Variants in SAMD7 observed in about 807,000 individuals in gnomAD.
SAMD7 encodes sterile alpha motif domain-containing protein 7.
In SAMD7, 34 loss-of-function variants were observed where a neutral mutation model predicts 36.7. The observed-to-expected ratio is 0.93, with a 90% CI of 0.71 to 1.23. The LOEUF (loss-of-function observed/expected upper bound fraction) is 1.23. SAMD7 is among the 50% of genes most tolerant of loss of function. The probability of loss-of-function intolerance (pLI) is 0.00; values close to 1 mark genes in which losing one functional copy is unlikely to be tolerated. For synonymous variants in SAMD7, 188 were observed against 189.7 expected (o/e 0.99, Z 0.07); for missense variants, 570 against 546.6 (o/e 1.04, Z -0.43).
Position 169,938,662 on chromosome 3 carries a change from C to G in SAMD7, c.*156C>G. 1.8e-6 allele frequency: 1 copy of G among 556,442 alleles called. No individual in the cohort carries two copies. The highest frequency in any genetic ancestry group is 2.7e-5 in the South Asian group (1 of 37,694). The allele number at this position is 556,442 out of a possible 1,614,324, so 34.5% of individuals were successfully genotyped here. On this transcript the variant is annotated 3_prime_UTR_variant, in exon 9 of 9. Transcript: ENST00000335556. ...TGGAGGAGACTTGCCCAAGGGGCTT[C>G]CCTGCCAGGGCTGAATGACCCCAGC... is the stretch of plus-strand genomic sequence containing the variant.
intron 4 of SAMD7, among the ~76,000 whole-genome samples, chr3:169,923,592 A>G (rs1030603079): frequency 1.3e-5 from 2 of 152,062 alleles, no homozygotes; most frequent in African/African-American, 4.8e-5. Flanking sequence ...AAATATGAAA[A>G]TTAGCCAGGT....
At chr3:169,925,958 CT>C (rs1033901169) in intron 5 of SAMD7, among the ~76,000 whole-genome samples, 120 of 152,274 alleles carry the variant, frequency 7.9e-4, no homozygotes, top group African/African-American at 2.8e-3. Flanking sequence ...CAACAGTGGC[CT>C]TCAGCTATAG....
chr3:169,924,007 G>T (rs1300152522), intron 4 of SAMD7, among the ~76,000 whole-genome samples: 1 of 152,166 alleles, frequency 6.6e-6, no homozygotes, highest in Non-Finnish European at 1.5e-5. Context: ...GTGCTCTCTA[G>T]ACTGGACTTC....
intron 4 of SAMD7, 82 bp from the exon 5 acceptor site, chr3:169,924,976 C>T: frequency 1.2e-6 from 1 of 801,678 alleles, no homozygotes; most frequent in East Asian, 2.9e-5. Context: ...TACTGTTTTA[C>T]ATTGTTATAG....
intron 4 of SAMD7, among the ~76,000 whole-genome samples, chr3:169,924,791 C>T (rs137875565): frequency 7.9e-5 from 12 of 152,230 alleles, no homozygotes; most frequent in African/African-American, 2.9e-4. Context: ...CATCTTTTTC[C>T]TATTAAAGTA....
intron 6 of SAMD7, among the ~76,000 whole-genome samples, chr3:169,927,899 C>T (rs1204551783): frequency 1.3e-5 from 2 of 152,132 alleles, no homozygotes; most frequent in Admixed American, 6.5e-5. Context: ...AGAAGTATTA[C>T]CTTTCAGTGT....
At chr3:169,919,638 C>A in intron 3 of SAMD7, 54 bp downstream of exon 3, 1 of 1,334,656 alleles carries the variant, frequency 7.5e-7, no homozygotes, top group Non-Finnish European at 1.1e-6. Context: ...ACAATCATTA[C>A]GTTTTGGAAT....
intron 6 of SAMD7, 113 bp downstream of exon 6, chr3:169,927,294 T>A: frequency 1.3e-6 from 1 of 782,414 alleles, no homozygotes; most frequent in Non-Finnish European, 1.8e-6. Context: ...TCTTTTTTTT[T>A]TTTTTTTTTT....
intron 7 of SAMD7, among the ~76,000 whole-genome samples, chr3:169,928,833 T>C (rs949808015): frequency 6.6e-6 from 1 of 152,116 alleles, no homozygotes; most frequent in Non-Finnish European, 1.5e-5. Context: ...TCCTAAGAAG[T>C]AGGAATTCTC....
chr3:169,925,731 A>G (rs1365186274), intron 5 of SAMD7, among the ~76,000 whole-genome samples: 1 of 152,208 alleles, frequency 6.6e-6, no homozygotes, highest in African/African-American at 2.4e-5. Context: ...GTCTTGAACA[A>G]ATAAAAAGAA....
At chr3:169,922,312 A>C (rs1713077227) in intron 4 of SAMD7, among the ~76,000 whole-genome samples, 1 of 152,194 alleles carries the variant, frequency 6.6e-6, no homozygotes, top group African/African-American at 2.4e-5. Flanking sequence ...GCATCTCTGG[A>C]ACCCACTAAC....
intron 4 of SAMD7, among the ~76,000 whole-genome samples, chr3:169,924,448 G>A (rs1304514660): frequency 2.6e-5 from 4 of 152,036 alleles, no homozygotes; most frequent in African/African-American, 9.7e-5. Flanking sequence ...TTAGCTGGGT[G>A]TGGTGGCATG....
At chr3:169,933,628 T>C (rs1713606000) in intron 7 of SAMD7, among the ~76,000 whole-genome samples, 1 of 152,142 alleles carries the variant, frequency 6.6e-6, no homozygotes, top group Admixed American at 6.5e-5. Context: ...TGTGGAAAAA[T>C]ATATGTATAC....
chr3:169,925,374 A>AG (rs1227914050), intron 5 of SAMD7, among the ~76,000 whole-genome samples: 2 of 152,118 alleles, frequency 1.3e-5, no homozygotes, highest in South Asian at 2.1e-4. Context: ...CACTTAAAAA[A>AG]AAAAAGAAAA....
Position 169,925,144 on chromosome 3 carries a change from G to A in SAMD7, c.290+8G>A. On this transcript the variant is annotated splice_region_variant and intron_variant, in intron 5 of 8. Coordinates refer to ENST00000335556, the MANE Select transcript of SAMD7 (RefSeq NM_001304366.2). ...ACGGCATCATACTGCCAGGTAATTT[G>A]GCAATGTTGTTTTATTTATTCTCTA... The A allele has an allele frequency of 6.3e-7, 1 of 1,588,726 alleles. No individual in the cohort carries two copies. The highest frequency in any genetic ancestry group is 8.6e-7 in the Non-Finnish European group (1 of 1,163,180).
rs754596757 is a variant in SAMD7, at chr3:169,932,979, T to C, written c.1042-3360T>C. ...CCCTTGCTGGATGAAAGAAGCATTC[T>C]TTCCCCCCCTCTATCAGTGTGGCAT... On this transcript the variant is annotated intron_variant, in intron 7 of 8. Coordinates refer to ENST00000335556, the MANE Select transcript of SAMD7 (RefSeq NM_001304366.2). 3.7e-4 allele frequency: 266 copies of C among 712,138 alleles called. 1 individual carries two copies. The highest frequency in any genetic ancestry group is 9.2e-5 in the Non-Finnish European group (35 of 379,150). 44.1% of individuals were successfully genotyped at this position (712,138 alleles called of 1,614,324 possible).
Position 169,933,096 on chromosome 3 carries a change from T to G in SAMD7, c.1042-3243T>G, listed in dbSNP as rs1713579007. 6.9e-6 allele frequency: 6 copies of G among 874,992 alleles called. No homozygotes were observed. The South Asian group carries it at 7.8e-5, about 11-fold the overall frequency. The allele number at this position is 874,992 out of a possible 1,614,324, so 54.2% of individuals were successfully genotyped here. The stretch of plus-strand genomic sequence containing the variant: ...ATCTGCCATGGCCCATGACCCCCTC[T>G]CCCCAGTGCTCTCTGATCCTCGTCT... On this transcript the variant is annotated intron_variant, in intron 7 of 8. Transcript: ENST00000335556.
intron 4 of SAMD7, among the ~76,000 whole-genome samples, chr3:169,922,150 A>G (rs1225878925): frequency 6.6e-6 from 1 of 152,196 alleles, no homozygotes; most frequent in African/African-American, 2.4e-5. Context: ...GAGATGCCTA[A>G]CAGACACCCA....
chr3:169,919,948 G>A (rs570747157), intron 3 of SAMD7, among the ~76,000 whole-genome samples: 6 of 152,338 alleles, frequency 3.9e-5, no homozygotes, highest in Admixed American at 3.9e-4. Context: ...GCCAAGGTGG[G>A]CAGATCACAA....
Sources: allele counts gnomAD v4.1 joint callset (sites outside exome capture counted in the v4.1 genomes callset), GRCh38; gene constraint gnomAD v4.1.1; transcripts MANE v1.5; gene names NCBI Gene and HGNC (gene_info 2026-07-23, HGNC 2026-07-21).